The following RAB6A variants were observed in gnomAD, a reference collection of about 807,000 sequenced individuals.
RAB6A encodes the protein RAB6A, member RAS oncogene family, also known as ras-related protein Rab-6A.
In RAB6A, 8 loss-of-function variants were observed where a neutral mutation model predicts 32.3. The ratio of observed to expected loss-of-function variants is 0.25; its 90% CI spans 0.15 to 0.45. The LOEUF (loss-of-function observed/expected upper bound fraction) is 0.45, where lower values mean the gene tolerates loss of function less well. RAB6A is among the 20% of genes least tolerant of loss of function. The pLI is 1.00. For missense variants in RAB6A, 104 were observed against 249.4 expected, an observed-to-expected ratio of 0.42 and a Z score of 3.93; for synonymous variants, 73 against 82.1, an observed-to-expected ratio of 0.89 and a Z score of 0.60.
At chr11:73,721,869 A>G (rs1946136908) in intron 2 of RAB6A, among the ~76,000 whole-genome samples, 1 of 152,166 alleles carries the variant, frequency 6.6e-6, no homozygotes, top group Admixed American at 6.5e-5. Flanking sequence ...CAAAAACTAG[A>G]TCAGAAAAGT....
chr11:73,725,338 G>T (rs947323374), intron 2 of RAB6A, among the ~76,000 whole-genome samples: 16 of 152,222 alleles, frequency 1.1e-4, no homozygotes, highest in African/African-American at 3.6e-4. Context: ...AAGAACCAAT[G>T]AGGAGAAATG....
chr11:73,693,986 T>TG (rs1255511616), intron 6 of RAB6A, among the ~76,000 whole-genome samples: 1 of 152,194 alleles, frequency 6.6e-6, no homozygotes, highest in Non-Finnish European at 1.5e-5. Flanking sequence ...AAAGGTTATG[T>TG]GTGAAGTCTT....
At chr11:73,715,876 GAA>G (rs1489138735) in intron 5 of RAB6A, among the ~76,000 whole-genome samples, 1 of 152,094 alleles carries the variant, frequency 6.6e-6, no homozygotes, top group Non-Finnish European at 1.5e-5. Context: ...AGACTACTAA[GAA>G]AAGAGTGTGC....
rs891691964 is a variant in RAB6A, at chr11:73,698,634, C to T, written c.495+8786G>A. On this transcript the variant is annotated intron_variant, in intron 6 of 7. Coordinates refer to ENST00000336083, the MANE Select transcript of RAB6A (RefSeq NM_198896.2). Reference sequence around the variant, plus strand: ...TGTTACATAGATTCCTTCTTGTATTCGACAAGTATCTAAGCACCTAGATAT... The same window carrying T: ...TGTTACATAGATTCCTTCTTGTATTTGACAAGTATCTAAGCACCTAGATAT... Among the ~76,000 whole-genome samples the T allele has an allele frequency of 5.3e-5, 8 of 152,010 alleles. No homozygotes were observed. In the East Asian group the frequency reaches 9.6e-4, roughly 18 times the overall value.
intron 1 of RAB6A, among the ~76,000 whole-genome samples, chr11:73,755,159 G>C (rs900739984): frequency 6.6e-6 from 1 of 151,924 alleles, no homozygotes; most frequent in Non-Finnish European, 1.5e-5. Context: ...TCAAACTTCT[G>C]GCCTCAAGTG....
chr11:73,707,416 T>G lies in RAB6A; in HGVS notation c.495+4A>C, dbSNP rs1945865268. ...TTCAATTTGGTAACCTCAACTCAAC[T>G]TACCTGCTTTACATTGTATCCAGCT... On this transcript the variant is annotated splice_donor_region_variant and intron_variant, in intron 6 of 7. Coordinates refer to ENST00000336083, the MANE Select transcript of RAB6A (RefSeq NM_198896.2). 1 of 1,603,460 alleles carries G rather than the reference T, an allele frequency of 6.2e-7. No individual in the cohort carries two copies. The highest frequency in any genetic ancestry group is 1.7e-5 in the Admixed American group (1 of 59,654).
intron 1 of RAB6A, among the ~76,000 whole-genome samples, chr11:73,748,794 T>C (rs1946631472): frequency 6.6e-6 from 1 of 152,142 alleles, no homozygotes; most frequent in Non-Finnish European, 1.5e-5. Context: ...GAATCCTCCT[T>C]CATCCCCCCA....
Position 73,675,691 on chromosome 11 carries a change from TAAAA to T in RAB6A, c.*2203_*2206del, listed in dbSNP as rs147186852. 7.9e-5 allele frequency: 12 copies of T among 151,964 alleles called. No individual in the cohort carries two copies. Among genetic ancestry groups the T allele is most frequent in the Non-Finnish European group, 1.5e-4 (10 of 66,924 alleles). The allele number at this position is 151,964 out of a possible 1,614,324, so 9.4% of individuals were successfully genotyped here. A position where few individuals can be genotyped will look rare whatever the true frequency, so the allele number is the denominator to read the frequency against. ...TTTTTGGCAGCAAAATTGTGTTTAT[TAAAA>T]AAAAAACCTGGACTATGAACACACT... On this transcript the variant is annotated 3_prime_UTR_variant, in exon 8 of 8. Coordinates refer to ENST00000336083, the MANE Select transcript of RAB6A (RefSeq NM_198896.2).
intron 1 of RAB6A, among the ~76,000 whole-genome samples, chr11:73,731,719 TATATATATATATACACACACAC>T (rs1946312549): frequency 9.1e-5 from 1 of 11,024 alleles, no homozygotes; most frequent in Non-Finnish European, 2.3e-4. Context: ...TATATATATA[TATATATATATATACACACACAC>T]ACACATATTT....
At chr11:73,757,323 T>C (rs905663135) in intron 1 of RAB6A, among the ~76,000 whole-genome samples, 5 of 149,808 alleles carry the variant, frequency 3.3e-5, no homozygotes, top group African/African-American at 1.2e-4. Context: ...AATTTTTGTA[T>C]TTTTGTAGAG....
chr11:73,684,106 T>G (rs1945402005), intron 6 of RAB6A, among the ~76,000 whole-genome samples: 1 of 151,934 alleles, frequency 6.6e-6, no homozygotes, highest in Non-Finnish European at 1.5e-5. Context: ...AAGGCTACGA[T>G]CAGATGATCA....
chr11:73,733,274 C>T (rs1343412828), intron 1 of RAB6A, among the ~76,000 whole-genome samples: 5 of 152,156 alleles, frequency 3.3e-5, no homozygotes, highest in African/African-American at 7.2e-5. Context: ...TTAGGCCAGG[C>T]GCGGTGGCTC....
At chr11:73,725,884 G>A (rs959932254) in intron 2 of RAB6A, among the ~76,000 whole-genome samples, 5 of 152,190 alleles carry the variant, frequency 3.3e-5, no homozygotes, top group South Asian at 2.1e-4. Flanking sequence ...CAGGCGCGGT[G>A]GCTCATGCCA....
intron 1 of RAB6A, among the ~76,000 whole-genome samples, chr11:73,751,048 T>C (rs1421012939): frequency 1.3e-5 from 2 of 152,078 alleles, no homozygotes; most frequent in Non-Finnish European, 2.9e-5. Flanking sequence ...CAAGCAATCC[T>C]CCCGCCTTAG....
At position 73,675,807 on chromosome 11, in the gene RAB6A, A is replaced by G. The variant is rs938313708; in HGVS notation, c.*2091T>C. On this transcript the variant is annotated 3_prime_UTR_variant, in exon 8 of 8. Coordinates refer to ENST00000336083, the MANE Select transcript of RAB6A (RefSeq NM_198896.2). Reference sequence around the variant, plus strand: ...CTGGTTACTTTCTTAAAAATACATAAAAAGAATCAAATGCAACAGTGTAGG... The same window carrying G: ...CTGGTTACTTTCTTAAAAATACATAGAAAGAATCAAATGCAACAGTGTAGG... The G allele has an allele frequency of 6.0e-6, 1 of 166,810 alleles. No homozygotes were observed. Among genetic ancestry groups the G allele is most frequent in the African/African-American group, 2.4e-5 (1 of 41,418 alleles). 10.3% of individuals were successfully genotyped at this position (166,810 alleles called of 1,614,324 possible). A position where few individuals can be genotyped will look rare whatever the true frequency, so the allele number is the denominator to read the frequency against.
chr11:73,746,432 C>T (rs938905980), intron 1 of RAB6A, among the ~76,000 whole-genome samples: 10 of 151,962 alleles, frequency 6.6e-5, no homozygotes, highest in African/African-American at 2.4e-4. Context: ...AACACTTGAG[C>T]CCAGGGGTTC....
intron 3 of RAB6A, chr11:73,719,016 G>A (rs1405254544): frequency 1.3e-6 from 1 of 782,698 alleles, no homozygotes; most frequent in Non-Finnish European, 2.0e-6. Context: ...CATGCAAGAG[G>A]TTGCAGGGAG....
chr11:73,693,018 T>C (rs1424201605), intron 6 of RAB6A, among the ~76,000 whole-genome samples: 8 of 152,004 alleles, frequency 5.3e-5, no homozygotes, highest in African/African-American at 1.2e-4. Flanking sequence ...TATGAGTATC[T>C]TCAATTAAAT....
At chr11:73,712,740 T>TTG (rs1555059307) in intron 5 of RAB6A, among the ~76,000 whole-genome samples, 1 of 151,218 alleles carries the variant, frequency 6.6e-6, no homozygotes, top group Non-Finnish European at 1.5e-5. Context: ...TTTTTTTTTT[T>TTG]TGACAGTTTC....
Sources: gnomAD v4.1 joint callset for allele counts (sites outside exome capture counted in the v4.1 genomes callset) on GRCh38, gnomAD v4.1.1 for gene constraint, MANE v1.5 for transcripts, NCBI Gene and HGNC (gene_info 2026-07-23, HGNC 2026-07-21) for gene names.